Variants in CTNND2 observed in about 807,000 individuals in gnomAD.
CTNND2 encodes the protein catenin delta-2.
A neutral mutation model predicts 144.4 loss-of-function variants in CTNND2; 22 were observed. That is an observed-to-expected ratio of 0.15 (90% CI 0.11 to 0.22). The LOEUF is 0.22. CTNND2 is among the 10% of genes least tolerant of loss of function. CTNND2 has a pLI of 1.00. For synonymous variants in CTNND2, 751 were observed against 695.6 expected (o/e 1.08, Z -1.25); for missense variants, 1,353 against 1,618.8 (o/e 0.84, Z 2.82).
At chr5:11,619,913 T>C (rs963931110) in intron 2 of CTNND2, among the ~76,000 whole-genome samples, 2 of 152,196 alleles carry the variant, frequency 1.3e-5, no homozygotes, top group Middle Eastern at 3.2e-3. Context: ...TTCACCTTAT[T>C]ATCTGACCTG....
chr5:11,433,346 G>GCAC (rs1763470595), intron 3 of CTNND2, among the ~76,000 whole-genome samples: 1 of 151,854 alleles, frequency 6.6e-6, no homozygotes. Flanking sequence ...AAAATGAGAT[G>GCAC]CTGATGCACC....
chr5:11,410,630 C>G (rs546425158), intron 5 of CTNND2, among the ~76,000 whole-genome samples: 15 of 152,096 alleles, frequency 9.9e-5, no homozygotes, highest in Admixed American at 2.6e-4. Flanking sequence ...AATCCACAAC[C>G]ATTCTGGTTG....
intron 10 of CTNND2, among the ~76,000 whole-genome samples, chr5:11,207,196 T>C (rs1190035458): frequency 6.6e-6 from 1 of 151,696 alleles, no homozygotes. Context: ...TGAGAACACA[T>C]CGACACAGGG....
chr5:11,281,685 G>GACT (rs1181630456), intron 9 of CTNND2, among the ~76,000 whole-genome samples: 1 of 152,196 alleles, frequency 6.6e-6, no homozygotes, highest in East Asian at 1.9e-4. Flanking sequence ...GCTTGCAGCT[G>GACT]ACTGCCTCCT....
intron 9 of CTNND2, among the ~76,000 whole-genome samples, chr5:11,282,994 A>G (rs1198432351): frequency 6.6e-6 from 1 of 152,170 alleles, no homozygotes; most frequent in Non-Finnish European, 1.5e-5. Flanking sequence ...TTACAAATTA[A>G]GACCCTTCAG....
chr5:11,024,166 T>C (rs1272169338), intron 16 of CTNND2, among the ~76,000 whole-genome samples: 1 of 152,248 alleles, frequency 6.6e-6, no homozygotes, highest in Non-Finnish European at 1.5e-5. Context: ...GGCGATGATA[T>C]CTTAATTCCA....
At chr5:11,463,522 G>A (rs1490837782) in intron 3 of CTNND2, among the ~76,000 whole-genome samples, 3 of 152,076 alleles carry the variant, frequency 2.0e-5, no homozygotes, top group African/African-American at 7.2e-5. Flanking sequence ...TGTGGCTACT[G>A]TATCCTAGTA....
intron 10 of CTNND2, among the ~76,000 whole-genome samples, chr5:11,233,315 G>A (rs2149890238): frequency 6.6e-6 from 1 of 152,092 alleles, no homozygotes; most frequent in East Asian, 1.9e-4. Flanking sequence ...TGATGTTCTT[G>A]GCTTTATTAT....
chr5:11,897,059 C>T (rs570683699), intron 1 of CTNND2, among the ~76,000 whole-genome samples: 1 of 152,262 alleles, frequency 6.6e-6, no homozygotes, highest in South Asian at 2.1e-4. Context: ...TTATATAACA[C>T]CTGTCTGTCT....
At chr5:11,728,890 A>G (rs1313699076) in intron 2 of CTNND2, among the ~76,000 whole-genome samples, 1 of 152,158 alleles carries the variant, frequency 6.6e-6, no homozygotes, top group Non-Finnish European at 1.5e-5. Context: ...TCAGATAAAA[A>G]TTTTAAGAAA....
At chr5:11,066,867 C>T (rs1409703268) in intron 16 of CTNND2, among the ~76,000 whole-genome samples, 1 of 152,190 alleles carries the variant, frequency 6.6e-6, no homozygotes, top group East Asian at 1.9e-4. Flanking sequence ...CAGAGAATTA[C>T]TCCTTGGGTC....
chr5:11,646,299 CTG>C (rs1244126203), intron 2 of CTNND2, among the ~76,000 whole-genome samples: 3 of 152,136 alleles, frequency 2.0e-5, no homozygotes. Flanking sequence ...ATAGCCATTA[CTG>C]GTGGTATTCA....
intron 6 of CTNND2, among the ~76,000 whole-genome samples, chr5:11,386,207 C>T (rs533632857): frequency 2.4e-4 from 37 of 152,160 alleles, no homozygotes; most frequent in Non-Finnish European, 5.0e-4. Flanking sequence ...AGGCTTTCCC[C>T]GGGGAGCAGA....
chr5:11,686,803 T>A lies in CTNND2; in HGVS notation c.174+45333A>T, dbSNP rs150375587. 5.6e-3 allele frequency among the ~76,000 whole-genome samples: 829 copies of A among 148,294 alleles called. 7 individuals are homozygous for A. Among genetic ancestry groups the A allele is most frequent in the African/African-American group, 0.02 (799 of 40,890 alleles). ...ATACACAAATATAATACACATAATATAAATATATATTTATATACTATATGT... is the reference window on the plus strand; with the variant it reads ...ATACACAAATATAATACACATAATAAAAATATATATTTATATACTATATGT... On this transcript the variant is annotated intron_variant, in intron 2 of 21. Transcript: ENST00000304623.
Position 10,981,844 on chromosome 5 carries a change from G to A in CTNND2, c.3346C>T (p.Gln1116Ter). Residue 1116 changes from glutamine to a stop codon, truncating the protein, a stop_gained and splice_region_variant, in exon 21 of 22, where the codon CAA (glutamine) becomes TAA (stop). Coordinates refer to ENST00000304623, the MANE Select transcript of CTNND2 (RefSeq NM_001332.4). LOFTEE classifies it high-confidence loss of function. Reference sequence around the variant, plus strand: ...TACAAAGTTGAAATTCCAGTGTTTTGAGCTAAAAGCAAAAGGAAAACAAAA... The same window carrying A: ...TACAAAGTTGAAATTCCAGTGTTTTAAGCTAAAAGCAAAAGGAAAACAAAA... ...HTSRKDAMTA[Q>*]NTGISTLYRN... is the part of the protein sequence containing the mutation. 1 of 1,613,206 alleles carries A rather than the reference G, an allele frequency of 6.2e-7. No individual in the cohort carries two copies. Among genetic ancestry groups the A allele is most frequent in the Non-Finnish European group, 8.5e-7 (1 of 1,179,564 alleles).
chr5:11,704,562 G>C (rs1785606051), intron 2 of CTNND2, among the ~76,000 whole-genome samples: 1 of 152,142 alleles, frequency 6.6e-6, no homozygotes, highest in Non-Finnish European at 1.5e-5. Context: ...GGATGTTCTA[G>C]CAAACATTAG....
Position 11,275,913 on chromosome 5 carries a change from C to T in CTNND2, c.1629-39090G>A, listed in dbSNP as rs567960548. Among the ~76,000 whole-genome samples the T allele has an allele frequency of 3.3e-5, 5 of 152,272 alleles. No homozygotes were observed. In the East Asian group the frequency reaches 9.6e-4, roughly 29 times the overall value. On this transcript the variant is annotated intron_variant, in intron 9 of 21. Transcript: ENST00000304623. The stretch of plus-strand genomic sequence containing the variant: ...CATACAATTTGTAGATTGCTGAATA[C>T]CTGATTTTAATTCCCAAGTCATTCA...
intron 1 of CTNND2, among the ~76,000 whole-genome samples, chr5:11,798,259 CAA>C (rs78238644): frequency 6.5e-4 from 39 of 60,372 alleles, no homozygotes; most frequent in South Asian, 6.0e-4. Context: ...GAGACTGTTT[CAA>C]AAAAAAAAAA....
chr5:11,610,662 C>T (rs890421549), intron 2 of CTNND2, among the ~76,000 whole-genome samples: 2 of 152,150 alleles, frequency 1.3e-5, no homozygotes, highest in African/African-American at 2.4e-5. Context: ...GTTGCCTGAA[C>T]GGATCATAGC....
Sources: allele counts gnomAD v4.1 joint callset (sites outside exome capture counted in the v4.1 genomes callset), GRCh38; gene constraint gnomAD v4.1.1; transcripts MANE v1.5; gene names NCBI Gene and HGNC (gene_info 2026-07-23, HGNC 2026-07-21).